The following CPVL variants were observed in gnomAD, a reference collection of about 807,000 sequenced individuals.
The protein encoded by CPVL is probable serine carboxypeptidase CPVL.
A neutral mutation model predicts 63.7 loss-of-function variants in CPVL; 51 were observed. That is an observed-to-expected ratio of 0.80 (90% CI 0.64 to 1.01). The LOEUF (loss-of-function observed/expected upper bound fraction) is 1.01. Ranked by LOEUF, CPVL falls within the 50% of genes least tolerant of loss-of-function variation. The pLI is 0.00. For missense variants in CPVL, 530 were observed against 573.1 expected (o/e 0.92, Z 0.77); for synonymous variants, 195 against 206.0 (o/e 0.95, Z 0.46).
chr7:29,080,005 A>G (rs762391975), intron 7 of CPVL, among the ~76,000 whole-genome samples: 62 of 152,284 alleles, frequency 4.1e-4, no homozygotes, highest in Middle Eastern at 3.4e-3. Context: ...GCTGTGCACA[A>G]TAGACTGAGG....
intron 12 of CPVL, among the ~76,000 whole-genome samples, chr7:29,023,087 C>A (rs985612617): frequency 6.6e-6 from 1 of 152,200 alleles, no homozygotes; most frequent in African/African-American, 2.4e-5. Context: ...ATTGGTGATG[C>A]CATGCACACT....
At chr7:29,005,182 C>T (rs581846) in intron 12 of CPVL, among the ~76,000 whole-genome samples, 60,958 of 151,736 alleles carry the variant, frequency 0.4, 15,935 homozygotes, top group African/African-American at 0.75. Context: ...TTACCCATCG[C>T]GCCTGGCCCA....
At chr7:29,190,300 T>C (rs1269961414) in intron 1 of CPVL, among the ~76,000 whole-genome samples, 1 of 152,350 alleles carries the variant, frequency 6.6e-6, no homozygotes, top group South Asian at 2.1e-4. Flanking sequence ...AGTTGACGAA[T>C]AGCCCTGCTA....
intron 1 of CPVL, chr7:29,194,467 G>C (rs992837805): frequency 1.3e-5 from 2 of 155,814 alleles, no homozygotes; most frequent in Non-Finnish European, 2.8e-5. Flanking sequence ...GGGGGAGGTC[G>C]CTCTGTCTGT....
chr7:29,028,638 T>G (rs987540987), intron 12 of CPVL, among the ~76,000 whole-genome samples: 1 of 151,974 alleles, frequency 6.6e-6, no homozygotes, highest in African/African-American at 2.4e-5. Context: ...CTCAAGCAAC[T>G]GAAGAGCACA....
At chr7:29,012,434 A>C (rs1003015156) in intron 12 of CPVL, 3 of 152,248 alleles carry the variant, frequency 2.0e-5, no homozygotes, top group Non-Finnish European at 4.4e-5. Context: ...AAACAAATAA[A>C]AGAGTTTTCT....
intron 9 of CPVL, among the ~76,000 whole-genome samples, chr7:29,068,938 C>T (rs1783425314): frequency 6.6e-6 from 1 of 151,024 alleles, no homozygotes; most frequent in African/African-American, 2.4e-5. Flanking sequence ...CCGCCTCGGC[C>T]TCCCAAAGTG....
At chr7:29,091,392 CAA>C (rs925998997) in intron 6 of CPVL, among the ~76,000 whole-genome samples, 2 of 142,702 alleles carry the variant, frequency 1.4e-5, no homozygotes, top group African/African-American at 5.3e-5. Flanking sequence ...GGATTTAAAC[CAA>C]AGAGGGATGG....
chr7:29,178,110 G>A (rs1797596169), intron 5 of CPVL, among the ~76,000 whole-genome samples: 2 of 152,090 alleles, frequency 1.3e-5, no homozygotes, highest in South Asian at 4.1e-4. Context: ...ATGGTGTCTT[G>A]CCATCTCCAC....
chr7:28,999,031 C>T (rs1009445759), intron 12 of CPVL, among the ~76,000 whole-genome samples: 7 of 151,786 alleles, frequency 4.6e-5, no homozygotes, highest in African/African-American at 1.7e-4. Flanking sequence ...ATGGCGAAAC[C>T]CTGCCTCTAC....
intron 12 of CPVL, among the ~76,000 whole-genome samples, chr7:29,025,927 AG>A (rs1184728220): frequency 6.6e-6 from 1 of 152,210 alleles, no homozygotes; most frequent in African/African-American, 2.4e-5. Context: ...CAGAAAAATA[AG>A]AAAGAAACGT....
chr7:29,024,281 A>T (rs1191468406), intron 12 of CPVL, among the ~76,000 whole-genome samples: 1 of 152,228 alleles, frequency 6.6e-6, no homozygotes, highest in Non-Finnish European at 1.5e-5. Flanking sequence ...GAAATAACTC[A>T]GACAAAAAAG....
At chr7:29,006,741 T>C (rs1022695506) in intron 12 of CPVL, among the ~76,000 whole-genome samples, 2 of 152,192 alleles carry the variant, frequency 1.3e-5, no homozygotes, top group African/African-American at 4.8e-5. Context: ...TAGCATGATA[T>C]TTTCATGATG....
chr7:29,123,598 A>G (rs1470331646), intron 1 of CPVL, among the ~76,000 whole-genome samples: 3 of 29,316 alleles, frequency 1.0e-4, no homozygotes, highest in African/African-American at 1.7e-4. Flanking sequence ...ACTGGTTCAG[A>G]AAAAAAAAAA....
At chr7:28,997,410 G>C (rs905730773) in intron 12 of CPVL, among the ~76,000 whole-genome samples, 1 of 152,136 alleles carries the variant, frequency 6.6e-6, no homozygotes, top group Admixed American at 6.5e-5. Context: ...AAGTATATTT[G>C]GATAGTACAT....
chr7:29,130,732 C>T (rs768838833), intron 1 of CPVL, among the ~76,000 whole-genome samples: 4 of 152,092 alleles, frequency 2.6e-5, no homozygotes, highest in African/African-American at 4.8e-5. Flanking sequence ...ACTATATAAA[C>T]GACAGAATAT....
intron 12 of CPVL, 148 bp downstream of exon 12, chr7:29,030,429 T>C: frequency 4.0e-6 from 3 of 746,468 alleles, no homozygotes; most frequent in Non-Finnish European, 6.6e-6. Flanking sequence ...AGACCACTCT[T>C]CTCTGTGGAA....
intron 12 of CPVL, among the ~76,000 whole-genome samples, chr7:29,007,091 G>T (rs553509550): frequency 3.3e-5 from 5 of 152,094 alleles, no homozygotes; most frequent in Non-Finnish European, 7.4e-5. Flanking sequence ...GTATTTATCC[G>T]CTTTCCATTT....
intron 7 of CPVL, among the ~76,000 whole-genome samples, chr7:29,084,405 C>A (rs1388150293): frequency 1.3e-5 from 2 of 152,218 alleles, no homozygotes; most frequent in African/African-American, 4.8e-5. Flanking sequence ...ATTATCTCGT[C>A]AGACAATCTT....
Sources: allele counts gnomAD v4.1 joint callset (sites outside exome capture counted in the v4.1 genomes callset), GRCh38; gene constraint gnomAD v4.1.1; transcripts MANE v1.5; gene names NCBI Gene and HGNC (gene_info 2026-07-23, HGNC 2026-07-21).